Variants in NELL1 observed in about 807,000 individuals in gnomAD.
The protein encoded by NELL1 is protein kinase C-binding protein NELL1.
NELL1 carries 76 observed loss-of-function variants against 107.4 expected under a neutral mutation model. The observed-to-expected ratio is 0.71, with a 90% CI of 0.59 to 0.86. The LOEUF is 0.86. Ranked by LOEUF, NELL1 falls within the 40% of genes least tolerant of loss-of-function variation. The pLI is 0.00. For synonymous variants in NELL1, 353 were observed against 341.2 expected (o/e 1.03, Z -0.38); for missense variants, 1,024 against 1,005.5 (o/e 1.02, Z -0.25).
At chr11:21,326,278 T>C (rs2133677454) in intron 14 of NELL1, among the ~76,000 whole-genome samples, 1 of 151,744 alleles carries the variant, frequency 6.6e-6, no homozygotes, top group East Asian at 1.9e-4. Flanking sequence ...TATTGGCTTA[T>C]TGGCTGTATG....
At chr11:20,864,737 T>G (rs1849062807) in intron 4 of NELL1, among the ~76,000 whole-genome samples, 2 of 152,270 alleles carry the variant, frequency 1.3e-5, no homozygotes, top group South Asian at 4.1e-4. Flanking sequence ...AGCCAGAGCC[T>G]GATTGCAGCT....
intron 12 of NELL1, among the ~76,000 whole-genome samples, chr11:20,966,943 A>G (rs561635387): frequency 1.3e-5 from 2 of 152,262 alleles, no homozygotes; most frequent in African/African-American, 4.8e-5. Flanking sequence ...GGGTTAAAAG[A>G]AGGGGTAAAT....
At chr11:20,936,227 T>C (rs1270350417) in intron 9 of NELL1, among the ~76,000 whole-genome samples, 1 of 152,176 alleles carries the variant, frequency 6.6e-6, no homozygotes, top group Non-Finnish European at 1.5e-5. Flanking sequence ...GGGCCAGGAC[T>C]GTGTACCATG....
At chr11:20,672,909 C>T (rs1219841124) in intron 1 of NELL1, among the ~76,000 whole-genome samples, 1 of 140,954 alleles carries the variant, frequency 7.1e-6, no homozygotes, top group Non-Finnish European at 1.5e-5. Flanking sequence ...TGGAGTGCAG[C>T]GACATGATCT....
intron 14 of NELL1, among the ~76,000 whole-genome samples, chr11:21,304,177 G>A (rs1024011046): frequency 3.3e-5 from 5 of 151,882 alleles, no homozygotes; most frequent in South Asian, 2.1e-4. Context: ...TACAAGTGTC[G>A]GGTATTCTAA....
intron 15 of NELL1, among the ~76,000 whole-genome samples, chr11:21,449,773 G>A (rs1853532613): frequency 3.3e-5 from 5 of 152,108 alleles, no homozygotes; most frequent in Admixed American, 3.3e-4. Flanking sequence ...TGTTGCATGT[G>A]GCTACCACTT....
chr11:20,975,846 A>G (rs1035615083), intron 12 of NELL1, among the ~76,000 whole-genome samples: 1 of 134,136 alleles, frequency 7.5e-6, no homozygotes, highest in African/African-American at 2.7e-5. Flanking sequence ...TATGTGTATT[A>G]TATATACATA....
chr11:21,192,606 T>C (rs1857070404), intron 13 of NELL1, among the ~76,000 whole-genome samples: 1 of 151,890 alleles, frequency 6.6e-6, no homozygotes, highest in South Asian at 2.1e-4. Flanking sequence ...ATTGTTTTCA[T>C]CATCTTATTT....
chr11:20,887,209 A>G (rs1464547098), intron 5 of NELL1, among the ~76,000 whole-genome samples: 1 of 152,166 alleles, frequency 6.6e-6, no homozygotes, highest in East Asian at 1.9e-4. Context: ...GTTCTGTTGT[A>G]TGAATGTATC....
chr11:21,283,448 C>G (rs1849042353), intron 14 of NELL1, among the ~76,000 whole-genome samples: 1 of 152,182 alleles, frequency 6.6e-6, no homozygotes, highest in African/African-American at 2.4e-5. Flanking sequence ...TTTGTACCCT[C>G]CACTCAATTT....
intron 13 of NELL1, among the ~76,000 whole-genome samples, chr11:21,132,282 G>A (rs766355860): frequency 1.3e-5 from 2 of 152,098 alleles, no homozygotes; most frequent in Admixed American, 6.6e-5. Context: ...GGATTGTCAC[G>A]GGATCCTTGG....
chr11:20,773,254 C>T (rs1261854621), intron 2 of NELL1, among the ~76,000 whole-genome samples: 2 of 152,168 alleles, frequency 1.3e-5, no homozygotes, highest in Non-Finnish European at 2.9e-5. Flanking sequence ...CTTGGTACCC[C>T]ACCCATCCTA....
chr11:20,896,742 A>T (rs1407870079), intron 5 of NELL1, among the ~76,000 whole-genome samples: 3 of 152,216 alleles, frequency 2.0e-5, no homozygotes, highest in Non-Finnish European at 4.4e-5. Context: ...GTGTGCAGAA[A>T]TCACAAGCAT....
At chr11:20,934,373 C>A (rs771796066) in intron 9 of NELL1, among the ~76,000 whole-genome samples, 24 of 152,196 alleles carry the variant, frequency 1.6e-4, no homozygotes, top group Non-Finnish European at 2.8e-4. Flanking sequence ...AGCACCAAAG[C>A]ACCCTGCTAT....
At chr11:21,533,390 T>G (rs576142276) in intron 15 of NELL1, among the ~76,000 whole-genome samples, 1 of 152,338 alleles carries the variant, frequency 6.6e-6, no homozygotes, top group East Asian at 1.9e-4. Context: ...ATTAAATTTA[T>G]ATTCATATGA....
intron 15 of NELL1, among the ~76,000 whole-genome samples, chr11:21,394,288 T>C (rs1483853124): frequency 6.6e-6 from 1 of 151,640 alleles, no homozygotes; most frequent in Non-Finnish European, 1.5e-5. Context: ...CCAGGGAGCC[T>C]GCTTCTAAGA....
upstream of NELL1, chr11:20,669,571 A>G (rs538361535): frequency 1.1e-5 from 5 of 463,542 alleles, no homozygotes; most frequent in East Asian, 4.4e-5. This position sits in a 1 kb window ranked among gnomAD's most constrained non-coding sequence, Gnocchi z 4.4. Context: ...TCCCGGGCGC[A>G]TATGCGAGCG....
intron 15 of NELL1, among the ~76,000 whole-genome samples, chr11:21,386,122 C>T (rs1432827747): frequency 7.9e-5 from 12 of 151,666 alleles, no homozygotes; most frequent in Non-Finnish European, 4.4e-5. Flanking sequence ...TTCTTACCAC[C>T]CATCCCTGTA....
chr11:21,394,783 A>T (rs1440712603), intron 15 of NELL1, among the ~76,000 whole-genome samples: 1 of 151,480 alleles, frequency 6.6e-6, no homozygotes, highest in East Asian at 2.0e-4. Context: ...TTAAATATTA[A>T]CATCTTCAAG....
Sources: allele counts gnomAD v4.1 joint callset (sites outside exome capture counted in the v4.1 genomes callset), GRCh38; gene constraint gnomAD v4.1.1; non-coding constraint Gnocchi (gnomAD v3.1); transcripts MANE v1.5; gene names NCBI Gene and HGNC (gene_info 2026-07-23, HGNC 2026-07-21).